The following CPQ variants were observed in gnomAD, a reference collection of about 807,000 sequenced individuals.
The protein encoded by CPQ is Ser-Met dipeptidase.
In CPQ, 37 loss-of-function variants were observed where a neutral mutation model predicts 45.7. The observed-to-expected ratio is 0.81, with a 90% CI of 0.62 to 1.07. The LOEUF is 1.07. Among genes scored for constraint, CPQ ranks in the 50% least tolerant of loss-of-function variants. CPQ has a pLI of 0.00. For missense variants in CPQ, 537 were observed against 572.9 expected, an observed-to-expected ratio of 0.94 and a Z score of 0.64; for synonymous variants, 186 against 205.8, an observed-to-expected ratio of 0.90 and a Z score of 0.82.
At chr8:97,042,103 TCCATCTGGTCC>T (rs1454057506) in intron 6 of CPQ, among the ~76,000 whole-genome samples, 66 of 152,368 alleles carry the variant, frequency 4.3e-4, no homozygotes, top group Non-Finnish European at 2.9e-4. Flanking sequence ...CAGCTGTGAA[TCCATCTGGTCC>T]TGGACTCTTT....
At chr8:97,019,804 C>T (rs771539158) in intron 5 of CPQ, among the ~76,000 whole-genome samples, 14 of 152,104 alleles carry the variant, frequency 9.2e-5, no homozygotes, top group Non-Finnish European at 1.0e-4. Context: ...ACTGACAGCA[C>T]TAGACAGTTC....
At chr8:96,700,069 G>T (rs901601371) in intron 1 of CPQ, among the ~76,000 whole-genome samples, 7 of 152,140 alleles carry the variant, frequency 4.6e-5, no homozygotes, top group Admixed American at 3.3e-4. Flanking sequence ...CTCACTCCTG[G>T]CTAGATGTTG....
At chr8:96,875,221 A>G (rs1250021278) in intron 3 of CPQ, among the ~76,000 whole-genome samples, 1 of 151,972 alleles carries the variant, frequency 6.6e-6, no homozygotes, top group Non-Finnish European at 1.5e-5. Flanking sequence ...TATTTTAGAT[A>G]CAAGTGCCTT....
At chr8:96,693,258 G>T (rs112374645) in intron 1 of CPQ, among the ~76,000 whole-genome samples, 11 of 151,874 alleles carry the variant, frequency 7.2e-5, no homozygotes, top group Non-Finnish European at 1.6e-4. Context: ...GGGTAGGGAG[G>T]GGGGAGAGAG....
chr8:96,858,890 GTA>G (rs1052685080), intron 3 of CPQ, among the ~76,000 whole-genome samples: 4 of 152,136 alleles, frequency 2.6e-5, no homozygotes, highest in Non-Finnish European at 5.9e-5. Flanking sequence ...ACTGACATAT[GTA>G]TATGTGTGTG....
intron 1 of CPQ, among the ~76,000 whole-genome samples, chr8:96,721,917 A>G (rs1809768488): frequency 6.6e-6 from 1 of 151,916 alleles, no homozygotes; most frequent in Admixed American, 6.6e-5. Context: ...CTGTCTCCCC[A>G]CTTTACTTGG....
chr8:97,109,074 C>G (rs1055443939), intron 7 of CPQ, among the ~76,000 whole-genome samples: 8 of 152,156 alleles, frequency 5.3e-5, no homozygotes, highest in African/African-American at 1.9e-4. Context: ...TCATACTTAC[C>G]AACTTTCTTG....
chr8:96,884,603 A>G lies in CPQ; in HGVS notation c.849+4598A>G, dbSNP rs532327964. Among the ~76,000 whole-genome samples, 16 of 152,312 alleles carry G rather than the reference A, an allele frequency of 1.1e-4. No individual in the cohort carries two copies. The South Asian group carries it at 1.2e-3, about 12-fold the overall frequency. ...AAGAAGAAATTATATGGTACCATTC[A>G]TAAATGAACAGAAAATGAGAATGAA... On this transcript the variant is annotated intron_variant, in intron 4 of 7. Coordinates refer to ENST00000220763, the MANE Select transcript of CPQ (RefSeq NM_016134.4).
chr8:96,650,960 A>C (rs998758925), intron 1 of CPQ, among the ~76,000 whole-genome samples: 1 of 152,216 alleles, frequency 6.6e-6, no homozygotes, highest in African/African-American at 2.4e-5. Flanking sequence ...TATCTGAATA[A>C]ATCCAGATTT....
In CPQ at chr8:97,088,914, C is replaced by A. The variant is rs947500184; in HGVS notation, c.1255+22704C>A. On this transcript the variant is annotated intron_variant, in intron 7 of 7. Coordinates refer to ENST00000220763, the MANE Select transcript of CPQ (RefSeq NM_016134.4). Reference sequence around the variant, plus strand: ...TCTAAAATAGGAAGTCCAAGCTATACTCGAAATAACTTTTACAGGTGACCC... The same window carrying A: ...TCTAAAATAGGAAGTCCAAGCTATAATCGAAATAACTTTTACAGGTGACCC... Among the ~76,000 whole-genome samples the A allele has an allele frequency of 5.9e-5, 9 of 152,226 alleles. No individual in the cohort carries two copies. The South Asian group carries it at 1.0e-3, about 18-fold the overall frequency.
intron 3 of CPQ, among the ~76,000 whole-genome samples, chr8:96,867,466 A>C (rs1037847814): frequency 6.6e-6 from 1 of 152,024 alleles, no homozygotes; most frequent in African/African-American, 2.4e-5. Flanking sequence ...GTAAAAAAGC[A>C]ATCAAACTTA....
chr8:97,023,031 G>GTATATATATACTATATACAGTA (rs1009770775), intron 5 of CPQ, among the ~76,000 whole-genome samples: 28 of 143,538 alleles, frequency 2.0e-4, no homozygotes, highest in Admixed American at 6.9e-4. Context: ...TATATATACA[G>GTATATATATACTATATACAGTA]TATATATACA....
At chr8:96,945,087 A>T (rs1813171773) in intron 4 of CPQ, among the ~76,000 whole-genome samples, 1 of 152,112 alleles carries the variant, frequency 6.6e-6, no homozygotes, top group South Asian at 2.1e-4. Context: ...GTCCAGTGTC[A>T]GCCCCCTAGG....
chr8:96,899,123 A>G (rs1353735107), intron 4 of CPQ, among the ~76,000 whole-genome samples: 1 of 152,112 alleles, frequency 6.6e-6, no homozygotes, highest in Non-Finnish European at 1.5e-5. Flanking sequence ...GTTGTGGATA[A>G]AATTAGGGTG....
intron 3 of CPQ, among the ~76,000 whole-genome samples, chr8:96,858,266 C>T (rs1811877964): frequency 1.3e-5 from 2 of 152,184 alleles, no homozygotes; most frequent in South Asian, 4.1e-4. Flanking sequence ...CACTGTCCCC[C>T]AGCTCCTCAC....
intron 1 of CPQ, among the ~76,000 whole-genome samples, chr8:96,753,594 C>T (rs1169323124): frequency 7.2e-6 from 1 of 139,176 alleles, no homozygotes; most frequent in Non-Finnish European, 1.7e-5. Context: ...TCCCTCATTA[C>T]ATTTTCTAAT....
chr8:97,119,384 G>C (rs1262956925), intron 7 of CPQ, among the ~76,000 whole-genome samples: 3 of 146,328 alleles, frequency 2.1e-5, no homozygotes, highest in African/African-American at 2.5e-5. Context: ...TTTAGGTTCT[G>C]TGTCACTATG....
chr8:96,898,195 A>G (rs776284948), intron 4 of CPQ, among the ~76,000 whole-genome samples: 3 of 152,144 alleles, frequency 2.0e-5, no homozygotes, highest in Non-Finnish European at 4.4e-5. Flanking sequence ...GGGCTGAGTC[A>G]TCCATGATGG....
intron 3 of CPQ, among the ~76,000 whole-genome samples, chr8:96,845,444 A>G (rs532520728): frequency 1.3e-4 from 20 of 152,354 alleles, no homozygotes; most frequent in African/African-American, 4.6e-4. Flanking sequence ...ATAGAGAACC[A>G]ATTAAACAGA....
Sources: allele counts gnomAD v4.1 joint callset (sites outside exome capture counted in the v4.1 genomes callset), GRCh38; gene constraint gnomAD v4.1.1; transcripts MANE v1.5; gene names NCBI Gene and HGNC (gene_info 2026-07-23, HGNC 2026-07-21).